Variants in HSPA12B observed in about 807,000 individuals in gnomAD.
The protein encoded by HSPA12B is heat shock 70 kDa protein 12B.
A neutral mutation model predicts 69.3 loss-of-function variants in HSPA12B; 54 were observed. The ratio of observed to expected loss-of-function variants is 0.78; its 90% confidence interval spans 0.63 to 0.98. The LOEUF (loss-of-function observed/expected upper bound fraction) is 0.98, where lower values mean the gene tolerates loss of function less well. HSPA12B is among the 50% of genes least tolerant of loss of function. The pLI, the probability that HSPA12B is intolerant of heterozygous loss-of-function variation, is 0.00. For synonymous variants in HSPA12B, 441 were observed against 436.5 expected (o/e 1.01, Z -0.13); for missense variants, 929 against 999.8 (o/e 0.93, Z 0.96).
intron 12 of HSPA12B, 87 bp from the exon 13 acceptor site, chr20:3,751,424 C>A: frequency 7.4e-7 from 1 of 1,351,158 alleles, no homozygotes; most frequent in African/African-American, 1.5e-5. Flanking sequence ...GCGCCGGTGG[C>A]CGCCTAGTGG....
At chr20:3,748,130 C>T in intron 7 of HSPA12B, 87 bp from the exon 8 acceptor site, 1 of 1,222,704 alleles carries the variant, frequency 8.2e-7, no homozygotes, top group Non-Finnish European at 1.1e-6. Context: ...GTGGGAGCCC[C>T]ACAGGCCGCG....
chr20:3,751,315 T>TG (rs1429236327), intron 12 of HSPA12B, 196 bp from the exon 13 acceptor site: 9 of 985,310 alleles, frequency 9.1e-6, no homozygotes, highest in Non-Finnish European at 9.6e-6. Flanking sequence ...GCGTGAGTGT[T>TG]GGGGAGGCGA....
At chr20:3,746,553 C>T (rs901212534) in intron 7 of HSPA12B, among the ~76,000 whole-genome samples, 7 of 151,960 alleles carry the variant, frequency 4.6e-5, no homozygotes, top group African/African-American at 9.7e-5. Context: ...CCGCCCGCCT[C>T]GGCCTCCCAA....
At position 3,744,915 on chromosome 20, in the gene HSPA12B, G is replaced by C. The variant is rs775107642; in HGVS notation, c.280G>C (p.Gly94Arg). ...AIHMMRKWEGGDPGVAHQKTP... is the reference protein window; with the variant it reads ...AIHMMRKWEGRDPGVAHQKTP... ...GTGCCTCCGCAGGAAATGGGAGGGCGGAGACCCGGGCGTGGCCCACCAGAA... is the reference window on the plus strand; with the variant it reads ...GTGCCTCCGCAGGAAATGGGAGGGCCGAGACCCGGGCGTGGCCCACCAGAA... Residue 94 changes from glycine (G) to arginine (R), a missense_variant, in exon 5 of 13, where the codon GGA becomes CGA. Physicochemically the swap from Gly to Arg is moderately radical, Grantham distance 125 (BLOSUM62 -2). This residue lies in a region of HSPA12B where 477 missense variants were observed against 535.2 expected (regional missense o/e 0.89). Coordinates refer to ENST00000254963, the MANE Select transcript of HSPA12B (RefSeq NM_052970.5). This position sits in a 1 kb window ranked among gnomAD's most constrained non-coding sequence, Gnocchi z 4.9. 6.2e-7 allele frequency: 1 copy of C among 1,612,820 alleles called. No individual in the cohort carries two copies. Among genetic ancestry groups the C allele is most frequent in the Admixed American group, 1.7e-5 (1 of 60,018 alleles).
In HSPA12B at chr20:3,749,157, A is replaced by G; in HGVS notation, c.851-75A>G. ...CCCAGTGCCCATGGAGGTCCTGGGCAGGAGGATGGGAGTTGAACGCCATAG... is the reference window on the plus strand; with the variant it reads ...CCCAGTGCCCATGGAGGTCCTGGGCGGGAGGATGGGAGTTGAACGCCATAG... On this transcript the variant is annotated intron_variant, in intron 8 of 12. Transcript: ENST00000254963. The surrounding 1 kb of genome is among the most constrained non-coding windows in gnomAD (Gnocchi z 5.5). 7.6e-7 allele frequency: 1 copy of G among 1,318,430 alleles called. No homozygotes were observed. Among genetic ancestry groups the G allele is most frequent in the Non-Finnish European group, 1.1e-6 (1 of 938,430 alleles). The allele number at this position is 1,318,430 out of a possible 1,614,324, so 81.7% of individuals were successfully genotyped here.
At chr20:3,743,609 T>C (rs1847982267) in intron 4 of HSPA12B, among the ~76,000 whole-genome samples, 1 of 152,204 alleles carries the variant, frequency 6.6e-6, no homozygotes, top group South Asian at 2.1e-4. Flanking sequence ...TTCAACACTA[T>C]TTTGTAGATA....
intron 1 of HSPA12B, among the ~76,000 whole-genome samples, chr20:3,736,537 T>C (rs576206243): frequency 3.3e-5 from 5 of 152,346 alleles, no homozygotes; most frequent in Non-Finnish European, 5.9e-5. Context: ...CTGTGTTCTA[T>C]AGCAAAACTT....
chr20:3,743,681 G>T (rs188932980), intron 4 of HSPA12B, among the ~76,000 whole-genome samples: 55 of 152,280 alleles, frequency 3.6e-4, no homozygotes, highest in Non-Finnish European at 5.7e-4. Context: ...CCATAGTACA[G>T]ATGTGTCATA....
At chr20:3,747,612 C>G (rs556795896) in intron 7 of HSPA12B, among the ~76,000 whole-genome samples, 1 of 152,322 alleles carries the variant, frequency 6.6e-6, no homozygotes, top group African/African-American at 2.4e-5. Context: ...GAAATAACTC[C>G]AGATCTCAAG....
rs1181441100 is a variant in HSPA12B at position 3,745,190 on chromosome 20, G to C, written c.453+102G>C. 3 of 1,097,860 alleles carry C rather than the reference G, an allele frequency of 2.7e-6. No individual in the cohort carries two copies. Among genetic ancestry groups the C allele is most frequent in the Admixed American group, 2.1e-5 (1 of 47,702 alleles). The allele number at this position is 1,097,860 out of a possible 1,614,324, so 68.0% of individuals were successfully genotyped here. A position where few individuals can be genotyped will look rare whatever the true frequency, so the allele number is the denominator to read the frequency against. On this transcript the variant is annotated intron_variant, in intron 5 of 12. Coordinates refer to ENST00000254963, the MANE Select transcript of HSPA12B (RefSeq NM_052970.5). This position sits in a 1 kb window ranked among gnomAD's most constrained non-coding sequence, Gnocchi z 5.6. ...AACCAAAACGTGTGAGGACCGGCCCGATGGAGTCGTGGCTGAGAGGGGGCG... is the reference window on the plus strand; with the variant it reads ...AACCAAAACGTGTGAGGACCGGCCCCATGGAGTCGTGGCTGAGAGGGGGCG...
Position 3,745,914 on chromosome 20 carries a change from G to C in HSPA12B, c.559-1G>C, listed in dbSNP as rs1321216790. 6.2e-7 allele frequency: 1 copy of C among 1,613,816 alleles called. No homozygotes were observed. Among genetic ancestry groups the C allele is most frequent in the Admixed American group, 1.7e-5 (1 of 60,028 alleles). On this transcript the variant is annotated splice_acceptor_variant, in intron 6 of 12. Transcript: ENST00000254963. LOFTEE classifies it high-confidence loss of function. This position sits in a 1 kb window ranked among gnomAD's most constrained non-coding sequence, Gnocchi z 5.6. The stretch of plus-strand genomic sequence containing the variant: ...CCTCTCACTGCCCCCTCCTGTACCA[G>C]GAGCTGAGGGAGCAGAGCCCATCGC...
intron 1 of HSPA12B, among the ~76,000 whole-genome samples, chr20:3,734,040 C>T (rs1338706963): frequency 6.6e-6 from 1 of 152,192 alleles, no homozygotes; most frequent in African/African-American, 2.4e-5. Context: ...AGGTGGCTCA[C>T]GCCTGTAATC....
rs61614564 is a variant in HSPA12B, at chr20:3,743,184, C to CTTT, written c.266+787_266+789dup. ...TACAGATGTGAGCCACCAACCTGGCCTTTTTTTTTTTTTCTTTGAGACAGG... is the reference window on the plus strand; with the variant it reads ...TACAGATGTGAGCCACCAACCTGGCCTTTTTTTTTTTTTTTTCTTTGAGACAGG... On this transcript the variant is annotated intron_variant, in intron 4 of 12. Coordinates refer to ENST00000254963, the MANE Select transcript of HSPA12B (RefSeq NM_052970.5). 1.1e-3 allele frequency among the ~76,000 whole-genome samples: 148 copies of CTTT among 139,328 alleles called. 1 individual carries two copies. Among genetic ancestry groups the CTTT allele is most frequent in the African/African-American group, 2.0e-3 (74 of 37,264 alleles). 91.4% of individuals were successfully genotyped at this position (139,328 alleles called of 152,430 possible). A position where few individuals can be genotyped will look rare whatever the true frequency, so the allele number is the denominator to read the frequency against.
rs1468989621 is a variant in HSPA12B, at chr20:3,745,563, A to T, written c.524A>T (p.His175Leu). Reference sequence around the variant, plus strand: ...ATGCCCGCCCTGGAGGTGTTCGCCCATGCCCTGCGCTTCTTCAGGGAGCAC... The same window carrying T: ...ATGCCCGCCCTGGAGGTGTTCGCCCTTGCCCTGCGCTTCTTCAGGGAGCAC... ...KTMPALEVFA[H>L]ALRFFREHAL... is the part of the protein sequence containing the mutation. The change falls in exon 6 of 13, where the codon CAT becomes CTT. Residue 175 changes from histidine (H) to leucine (L), a missense_variant. By Grantham distance (99) the His-to-Leu change is moderately conservative (BLOSUM62 -3). This residue lies in a region of HSPA12B where 477 missense variants were observed against 535.2 expected (regional missense o/e 0.89). Coordinates refer to ENST00000254963, the MANE Select transcript of HSPA12B (RefSeq NM_052970.5). The surrounding 1 kb of genome is among the most constrained non-coding windows in gnomAD (Gnocchi z 5.6). 1 of 1,614,182 alleles carries T rather than the reference A, an allele frequency of 6.2e-7. No individual in the cohort carries two copies. The highest frequency in any genetic ancestry group is 2.2e-5 in the East Asian group (1 of 44,882).
chr20:3,750,331 A>T (rs2088393267), intron 11 of HSPA12B, 104 bp downstream of exon 11: 1 of 1,216,686 alleles, frequency 8.2e-7, no homozygotes. Flanking sequence ...TGCCTGATTC[A>T]TCCCACATAT....
chr20:3,735,754 CG>C, intron 1 of HSPA12B, among the ~76,000 whole-genome samples: 1 of 152,238 alleles, frequency 6.6e-6, no homozygotes, highest in Middle Eastern at 3.4e-3. Flanking sequence ...GAGTGAGCCA[CG>C]GCGCCCGGCC....
At position 3,740,799 on chromosome 20, in the gene HSPA12B, C is replaced by T. The variant is rs1299264127; in HGVS notation, c.44-16C>T. 33 of 1,608,388 alleles carry T rather than the reference C, an allele frequency of 2.1e-5. No homozygotes were observed. The highest frequency in any genetic ancestry group is 5.0e-5 in the Admixed American group (3 of 59,754). On this transcript the variant is annotated splice_polypyrimidine_tract_variant and intron_variant, in intron 2 of 12. Transcript: ENST00000254963. This position sits in a 1 kb window ranked among gnomAD's most constrained non-coding sequence, Gnocchi z 4.9. ...CCCTGCTTGTGCCAGGATGAACTGC[C>T]GTCTCTTCTCTGCAGGCTCCAGCCC...
In HSPA12B at chr20:3,744,836, T is replaced by A; in HGVS notation, c.267-66T>A. 1 of 1,492,348 alleles carries A rather than the reference T, an allele frequency of 6.7e-7. No homozygotes were observed. Among genetic ancestry groups the A allele is most frequent in the Non-Finnish European group, 9.2e-7 (1 of 1,090,236 alleles). The allele number at this position is 1,492,348 out of a possible 1,614,324, so 92.4% of individuals were successfully genotyped here. ...CACATCTGTAAGTTTTTGCACATGC[T>A]GTTCCCTCTGCCTGGATTCCCACCC... On this transcript the variant is annotated intron_variant, in intron 4 of 12. Coordinates refer to ENST00000254963, the MANE Select transcript of HSPA12B (RefSeq NM_052970.5). This position sits in a 1 kb window ranked among gnomAD's most constrained non-coding sequence, Gnocchi z 4.9.
chr20:3,745,719 C>T lies in HSPA12B; in HGVS notation c.558+122C>T, dbSNP rs2088288754. 4.1e-6 allele frequency: 4 copies of T among 968,174 alleles called. No homozygotes were observed. The highest frequency in any genetic ancestry group is 2.5e-5 in the East Asian group (1 of 40,500). 60.0% of individuals were successfully genotyped at this position (968,174 alleles called of 1,614,324 possible). On this transcript the variant is annotated intron_variant, in intron 6 of 12. Coordinates refer to ENST00000254963, the MANE Select transcript of HSPA12B (RefSeq NM_052970.5). The surrounding 1 kb of genome is among the most constrained non-coding windows in gnomAD (Gnocchi z 5.6). ...GTAGCCACCGCCGGAGCTCAGAGGT[C>T]ATCTTCTCCAGTACCCTCCTCCCTT...
Sources: gnomAD v4.1 joint callset for allele counts (sites outside exome capture counted in the v4.1 genomes callset) on GRCh38, gnomAD v4.1.1 for gene constraint, gnomAD v4.1.1 regional missense constraint, Gnocchi (gnomAD v3.1) non-coding constraint, MANE v1.5 for transcripts, NCBI Gene and HGNC (gene_info 2026-07-23, HGNC 2026-07-21) for gene names.